SNX24: variants seen among roughly 807,000 people sequenced by gnomAD.
SNX24 encodes the protein sorting nexin 24, also known as sorting nexin-24.
SNX24 carries 22 observed loss-of-function variants against 28.7 expected under a neutral mutation model. That is an observed-to-expected ratio of 0.77 (90% CI 0.55 to 1.10). SNX24 has a LOEUF of 1.10. Ranked by LOEUF, SNX24 falls within the 50% of genes least tolerant of loss-of-function variation. SNX24 has a pLI of 0.00. For missense variants in SNX24, 221 were observed against 201.1 expected, an observed-to-expected ratio of 1.10 and a Z score of -0.60; for synonymous variants, 69 against 71.5, an observed-to-expected ratio of 0.96 and a Z score of 0.18.
At chr5:122,905,985 G>A (rs1214014581) in intron 1 of SNX24, among the ~76,000 whole-genome samples, 2 of 152,194 alleles carry the variant, frequency 1.3e-5, no homozygotes, top group Admixed American at 6.5e-5. Flanking sequence ...CAGAATAACA[G>A]CTAAGAGTCA....
chr5:122,913,974 G>A (rs1758043907), intron 1 of SNX24, among the ~76,000 whole-genome samples: 2 of 152,196 alleles, frequency 1.3e-5, no homozygotes, highest in South Asian at 2.1e-4. Context: ...GTCAGGCGTG[G>A]CGGCGCGCAC....
At chr5:122,914,362 CTTG>C (rs1476822920) in intron 1 of SNX24, among the ~76,000 whole-genome samples, 2 of 152,150 alleles carry the variant, frequency 1.3e-5, no homozygotes, top group African/African-American at 2.4e-5. Flanking sequence ...ATTCTCTTTT[CTTG>C]TTGTGTCTCT....
At chr5:122,949,840 AGTAC>A (rs1759855501) in intron 3 of SNX24, among the ~76,000 whole-genome samples, 1 of 152,212 alleles carries the variant, frequency 6.6e-6, no homozygotes, top group South Asian at 2.1e-4. Context: ...TGAATATCCA[AGTAC>A]GTATAGTATC....
At chr5:122,895,416 A>G (rs1191527179) in intron 1 of SNX24, among the ~76,000 whole-genome samples, 1 of 152,204 alleles carries the variant, frequency 6.6e-6, no homozygotes, top group East Asian at 1.9e-4. Flanking sequence ...AGTGCTGTTC[A>G]GATTTAGAAG....
chr5:122,944,595 T>C (rs1241733640), intron 2 of SNX24, among the ~76,000 whole-genome samples: 2 of 152,276 alleles, frequency 1.3e-5, no homozygotes, highest in South Asian at 2.1e-4. Flanking sequence ...CTTCATAAAA[T>C]GTCTGGTGCT....
chr5:122,926,747 A>G (rs1758713558), intron 1 of SNX24, among the ~76,000 whole-genome samples: 1 of 152,248 alleles, frequency 6.6e-6, no homozygotes, highest in South Asian at 2.1e-4. Flanking sequence ...TTGCAGATAC[A>G]GAAGCTTAAG....
chr5:122,972,077 C>T (rs1037530972), intron 3 of SNX24, among the ~76,000 whole-genome samples: 4 of 152,154 alleles, frequency 2.6e-5, no homozygotes, highest in Non-Finnish European at 5.9e-5. Context: ...AGACTGATTC[C>T]ATCTTGATAG....
intron 2 of SNX24, among the ~76,000 whole-genome samples, chr5:122,940,723 C>T (rs900993674): frequency 6.6e-6 from 1 of 152,100 alleles, no homozygotes; most frequent in Non-Finnish European, 1.5e-5. Flanking sequence ...AGGCATGTAC[C>T]ACCATGCTCA....
intron 3 of SNX24, among the ~76,000 whole-genome samples, chr5:122,988,266 G>A (rs1761689623): frequency 6.6e-6 from 1 of 152,166 alleles, no homozygotes; most frequent in Admixed American, 6.5e-5. Flanking sequence ...TCCTTAGTCG[G>A]GGGTGTACTA....
At chr5:122,922,537 G>T (rs565821195) in intron 1 of SNX24, among the ~76,000 whole-genome samples, 46 of 151,394 alleles carry the variant, frequency 3.0e-4, no homozygotes, top group African/African-American at 1.1e-3. Flanking sequence ...ACAGGTGTGA[G>T]CCACCTCGCC....
chr5:122,920,376 T>G (rs1353976683), intron 1 of SNX24, among the ~76,000 whole-genome samples: 1 of 152,220 alleles, frequency 6.6e-6, no homozygotes, highest in African/African-American at 2.4e-5. Flanking sequence ...GTAAGAGAGA[T>G]ACAGACTAAG....
At position 123,008,305 on chromosome 5, in the gene SNX24, C is replaced by G; in HGVS notation, c.*556C>G. On this transcript the variant is annotated 3_prime_UTR_variant, in exon 7 of 7. Coordinates refer to ENST00000261369, the MANE Select transcript of SNX24 (RefSeq NM_014035.4). ...TTAAATTATACTGACAATATTATGG[C>G]ATTTTTAAGATCATGGCATTTTAAT... is the stretch of plus-strand genomic sequence containing the variant. The G allele has an allele frequency of 1.0e-6, 1 of 983,478 alleles. No homozygotes were observed. The allele number at this position is 983,478 out of a possible 1,614,324, so 60.9% of individuals were successfully genotyped here. A position where few individuals can be genotyped will look rare whatever the true frequency, so the allele number is the denominator to read the frequency against.
At chr5:122,943,393 C>G (rs1169621880) in intron 2 of SNX24, among the ~76,000 whole-genome samples, 5 of 152,188 alleles carry the variant, frequency 3.3e-5, no homozygotes, top group African/African-American at 1.2e-4. Context: ...CTGTACCCCA[C>G]GTTACTGACT....
At chr5:122,991,494 C>G (rs1473883214) in intron 3 of SNX24, among the ~76,000 whole-genome samples, 1 of 152,148 alleles carries the variant, frequency 6.6e-6, no homozygotes, top group Non-Finnish European at 1.5e-5. Context: ...GAGTCTCGCT[C>G]TGTCGCCCAG....
chr5:122,915,667 T>C (rs1758128998), intron 1 of SNX24, among the ~76,000 whole-genome samples: 1 of 152,178 alleles, frequency 6.6e-6, no homozygotes, highest in Non-Finnish European at 1.5e-5. Context: ...CATCTGATCA[T>C]ATCAGCTCCC....
chr5:122,857,509 G>A (rs55822689), intron 1 of SNX24, among the ~76,000 whole-genome samples: 22,893 of 151,504 alleles, frequency 0.15, 2,094 homozygotes, highest in East Asian at 0.36. Flanking sequence ...CATCATCCGG[G>A]TACTAAACCT....
chr5:122,867,551 T>C (rs1244800426), intron 1 of SNX24, among the ~76,000 whole-genome samples: 1 of 152,142 alleles, frequency 6.6e-6, no homozygotes, highest in Non-Finnish European at 1.5e-5. Context: ...TGTAGCCAGG[T>C]TGGCTTTGGT....
intron 1 of SNX24, among the ~76,000 whole-genome samples, chr5:122,864,245 G>A (rs544749551): frequency 2.8e-4 from 42 of 152,304 alleles, no homozygotes; most frequent in African/African-American, 9.9e-4. Context: ...GGAAGTGTTG[G>A]AAGATGGTTG....
intron 3 of SNX24, chr5:122,948,531 A>G (rs139557445): frequency 2.6e-5 from 4 of 152,250 alleles, no homozygotes; most frequent in African/African-American, 7.2e-5. Flanking sequence ...CTATTTCACA[A>G]TCATCCCTCT....
Sources: allele counts gnomAD v4.1 joint callset (sites outside exome capture counted in the v4.1 genomes callset), GRCh38; gene constraint gnomAD v4.1.1; transcripts MANE v1.5; gene names NCBI Gene and HGNC (gene_info 2026-07-23, HGNC 2026-07-21).